Variants in PDE10A observed in about 807,000 individuals in gnomAD.
The protein encoded by PDE10A is phosphodiesterase 10A.
PDE10A carries 39 observed loss-of-function variants against 97.7 expected under a neutral mutation model. That is an observed-to-expected ratio of 0.40 (90% CI 0.31 to 0.52). The LOEUF is 0.52. PDE10A is among the 20% of genes least tolerant of loss of function. The probability of loss-of-function intolerance (pLI) is 0.56; values close to 1 mark genes in which losing one functional copy is unlikely to be tolerated. For missense variants in PDE10A, 731 were observed against 1,047.8 expected (o/e 0.70, Z 4.17); for synonymous variants, 371 against 376.8 (o/e 0.98, Z 0.18).
intron 1 of PDE10A, among the ~76,000 whole-genome samples, chr6:165,893,391 C>A (rs62425121): frequency 2.6e-5 from 4 of 152,222 alleles, no homozygotes; most frequent in Non-Finnish European, 5.9e-5. Flanking sequence ...AGGCTGTTTT[C>A]ATGCTTCTCA....
Position 165,428,653 on chromosome 6 carries a change from C to G in PDE10A, c.1653+5G>C. ...AGAATCATACTCAGAACAAAAACAA[C>G]CTACCATTATGTGTTCAAGTAGAGA... On this transcript the variant is annotated splice_donor_5th_base_variant and intron_variant, in intron 10 of 21. Transcript: ENST00000539869. 1 of 1,278,372 alleles carries G rather than the reference C, an allele frequency of 7.8e-7. No individual in the cohort carries two copies. Among genetic ancestry groups the G allele is most frequent in the South Asian group, 1.3e-5 (1 of 78,428 alleles). The allele number at this position is 1,278,372 out of a possible 1,614,324, so 79.2% of individuals were successfully genotyped here.
At chr6:165,465,721 G>C (rs1778603599) in intron 3 of PDE10A, among the ~76,000 whole-genome samples, 1 of 152,132 alleles carries the variant, frequency 6.6e-6, no homozygotes, top group Non-Finnish European at 1.5e-5. Flanking sequence ...ATCAAATCTT[G>C]TGAAAACTCA....
At chr6:165,434,525 A>G (rs1442664596) in intron 6 of PDE10A, among the ~76,000 whole-genome samples, 1 of 152,148 alleles carries the variant, frequency 6.6e-6, no homozygotes, top group African/African-American at 2.4e-5. Flanking sequence ...GTTTCTCTGT[A>G]TCTATGTGCA....
At chr6:165,458,949 GATCACATATGCTATTTAGGC>G (rs1778129905) in intron 3 of PDE10A, among the ~76,000 whole-genome samples, 1 of 152,122 alleles carries the variant, frequency 6.6e-6, no homozygotes, top group African/African-American at 2.4e-5. Flanking sequence ...TCAAATCCCA[GATCACATATGCTATTTAGGC>G]ATCACATTTC....
chr6:165,665,526 A>G (rs1790476582), upstream of PDE10A, among the ~76,000 whole-genome samples: 1 of 152,238 alleles, frequency 6.6e-6, no homozygotes, highest in Non-Finnish European at 1.5e-5. Flanking sequence ...AGACTGCAAT[A>G]TAGTTACATG....
At chr6:165,827,552 T>C (rs560819541) in intron 1 of PDE10A, among the ~76,000 whole-genome samples, 1 of 152,364 alleles carries the variant, frequency 6.6e-6, no homozygotes, top group Non-Finnish European at 1.5e-5. Flanking sequence ...CTTACGTGGT[T>C]CCAAGTGCAC....
intron 1 of PDE10A, among the ~76,000 whole-genome samples, chr6:165,679,370 GA>G: frequency 6.6e-6 from 1 of 152,338 alleles, no homozygotes; most frequent in South Asian, 2.1e-4. Context: ...TGGATACCAA[GA>G]AGTTGGAAAG....
rs1399633708 is a variant in PDE10A at position 165,332,263 on chromosome 6, T to A, written c.*762A>T. The A allele has an allele frequency of 6.6e-6, 1 of 152,218 alleles. No individual in the cohort carries two copies. The highest frequency in any genetic ancestry group is 1.5e-5 in the Non-Finnish European group (1 of 68,036). 9.4% of individuals were successfully genotyped at this position (152,218 alleles called of 1,614,324 possible). A position where few individuals can be genotyped will look rare whatever the true frequency, so the allele number is the denominator to read the frequency against. On this transcript the variant is annotated 3_prime_UTR_variant, in exon 22 of 22. Coordinates refer to ENST00000539869, the MANE Select transcript of PDE10A (RefSeq NM_001385079.1). Reference sequence around the variant, plus strand: ...GCCAAGACAACAACAAAAACAATTTTAAAAACTGACATCTTTTGAACTGCT... The same window carrying A: ...GCCAAGACAACAACAAAAACAATTTAAAAAACTGACATCTTTTGAACTGCT...
At chr6:165,942,770 G>T (rs771307228) in intron 1 of PDE10A, among the ~76,000 whole-genome samples, 1 of 152,096 alleles carries the variant, frequency 6.6e-6, no homozygotes, top group East Asian at 1.9e-4. Context: ...AGGTATTTAC[G>T]ACAAGGCCCT....
Position 165,958,716 on chromosome 6 carries a change from G to GAAGA in PDE10A, c.-615+28809_-615+28812dup, listed in dbSNP as rs58415177. Among the ~76,000 whole-genome samples the GAAGA allele has an allele frequency of 6.4e-3, 378 of 58,822 alleles. 15 individuals carry two copies. The highest frequency in any genetic ancestry group is 0.037 in the Middle Eastern group (5 of 134). The allele number at this position is 58,822 out of a possible 152,430, so 38.6% of individuals were successfully genotyped here. The stretch of plus-strand genomic sequence containing the variant: ...AAAGAGAAAGAAAGAAAGAAAGAGA[G>GAAGA]AAGAAAGAAAGAAAGAAAGAAAGAA... On this transcript the variant is annotated intron_variant, in intron 1 of 19. Coordinates refer to the PDE10A transcript ENST00000366882.
At chr6:165,758,643 A>T (rs1793180354) in intron 1 of PDE10A, among the ~76,000 whole-genome samples, 2 of 150,658 alleles carry the variant, frequency 1.3e-5, no homozygotes, top group East Asian at 3.9e-4. Context: ...GAAGAGGAAG[A>T]AGGAAGAGGA....
chr6:165,672,099 G>A (rs1790663001), intron 1 of PDE10A, among the ~76,000 whole-genome samples: 1 of 152,144 alleles, frequency 6.6e-6, no homozygotes, highest in South Asian at 2.1e-4. Context: ...CATGAACACT[G>A]AAAATTGTTC....
chr6:165,566,927 A>G (rs1471345954), intron 1 of PDE10A, among the ~76,000 whole-genome samples: 1 of 152,232 alleles, frequency 6.6e-6, no homozygotes, highest in African/African-American at 2.4e-5. Context: ...ACACAGGCAT[A>G]TTCTATGACC....
At chr6:165,430,026 A>T (rs897740512) in intron 9 of PDE10A, among the ~76,000 whole-genome samples, 1 of 152,136 alleles carries the variant, frequency 6.6e-6, no homozygotes, top group African/African-American at 2.4e-5. Flanking sequence ...TCTTTAACAT[A>T]TTCTCAGTCT....
At chr6:165,576,024 T>C (rs1278352782) in intron 1 of PDE10A, among the ~76,000 whole-genome samples, 2 of 152,236 alleles carry the variant, frequency 1.3e-5, no homozygotes, top group Non-Finnish European at 2.9e-5. Context: ...TTCTTGGAAA[T>C]TTCTCCTACA....
chr6:165,786,681 T>C (rs1190016023), intron 1 of PDE10A, among the ~76,000 whole-genome samples: 3 of 152,272 alleles, frequency 2.0e-5, no homozygotes, highest in Non-Finnish European at 1.5e-5. Context: ...CGATGTCCTA[T>C]GAAACTGATA....
At position 165,949,550 on chromosome 6, in the gene PDE10A, T is replaced by C. The variant is rs145463736; in HGVS notation, c.-615+37979A>G. On this transcript the variant is annotated intron_variant, in intron 1 of 19. Transcript: ENST00000366882. ...CCACAGACTGGTGCAACACGTCGGA[T>C]GATGACTGGGGTGACCACCGCAGAT... is the stretch of plus-strand genomic sequence containing the variant. 3.2e-4 allele frequency: 49 copies of C among 152,314 alleles called. 1 individual carries two copies. In the East Asian group the frequency reaches 8.5e-3, roughly 26 times the overall value. 9.4% of individuals were successfully genotyped at this position (152,314 alleles called of 1,614,324 possible).
intron 1 of PDE10A, among the ~76,000 whole-genome samples, chr6:165,675,119 G>C (rs1208646216): frequency 1.3e-5 from 2 of 152,214 alleles, no homozygotes; most frequent in Non-Finnish European, 2.9e-5. Flanking sequence ...CAATAGTTTT[G>C]TCTATGCCTA....
intron 1 of PDE10A, among the ~76,000 whole-genome samples, chr6:165,968,544 A>C (rs1784579158): frequency 6.6e-6 from 1 of 152,140 alleles, no homozygotes; most frequent in South Asian, 2.1e-4. Context: ...GCAGCTCCAA[A>C]ATTTTCACCA....
Sources: allele counts gnomAD v4.1 joint callset (sites outside exome capture counted in the v4.1 genomes callset), GRCh38; gene constraint gnomAD v4.1.1; transcripts MANE v1.5; gene names NCBI Gene and HGNC (gene_info 2026-07-23, HGNC 2026-07-21).